TECPR2: variants seen among roughly 807,000 people sequenced by gnomAD.
TECPR2 encodes the protein tectonin beta-propeller repeat containing 2, also known as tectonin beta-propeller repeat-containing protein 2.
A neutral mutation model predicts 138.1 loss-of-function variants in TECPR2; 65 were observed. The observed-to-expected ratio is 0.47, with a 90% CI of 0.39 to 0.58. The LOEUF (loss-of-function observed/expected upper bound fraction) is 0.58. Ranked by LOEUF, TECPR2 falls within the 20% of genes least tolerant of loss-of-function variation. TECPR2 has a pLI of 0.00. For missense variants in TECPR2, 1,553 were observed against 1,824.5 expected (o/e 0.85, Z 2.71); for synonymous variants, 746 against 749.8 (o/e 0.99, Z 0.08).
chr14:102,438,181 C>T lies in TECPR2; in HGVS notation c.2554C>T (p.Gln852Ter), dbSNP rs1268839383. The change falls in exon 10 of 20, where the codon CAG (glutamine) becomes TAG (stop). Residue 852 changes from glutamine (Q) to a stop codon, truncating the protein, a stop_gained. Transcript: ENST00000359520. LOFTEE classifies it high-confidence loss of function. ...LRWQKFEDAV[Q>*]QVAVSPSGAL... ...CTGGCAGAAGTTTGAAGATGCTGTC[C>T]AGCAGGTGGCAGTCTCGCCCTCAGG... 1 of 1,609,196 alleles carries T rather than the reference C, an allele frequency of 6.2e-7. No homozygotes were observed. The highest frequency in any genetic ancestry group is 8.5e-7 in the Non-Finnish European group (1 of 1,179,402).
At chr14:102,439,142 G>A (rs1376694831) in intron 10 of TECPR2, among the ~76,000 whole-genome samples, 1 of 152,026 alleles carries the variant, frequency 6.6e-6, no homozygotes, top group Non-Finnish European at 1.5e-5. Context: ...GGGATTACAG[G>A]TGAGAGCCAC....
intron 17 of TECPR2, among the ~76,000 whole-genome samples, chr14:102,485,913 G>T (rs539821650): frequency 6.6e-6 from 1 of 152,180 alleles, no homozygotes; most frequent in African/African-American, 2.4e-5. Context: ...TTGAGTCCTG[G>T]TGCTAGCCAT....
chr14:102,447,537 G>T (rs1890017248), intron 13 of TECPR2, among the ~76,000 whole-genome samples: 1 of 152,098 alleles, frequency 6.6e-6, no homozygotes. Context: ...TGAAATATTT[G>T]ATGTTTCTTT....
chr14:102,472,293 T>A (rs1398971458), intron 17 of TECPR2, among the ~76,000 whole-genome samples: 1 of 152,182 alleles, frequency 6.6e-6, no homozygotes, highest in African/African-American at 2.4e-5. Context: ...GCAACCACAA[T>A]TTCCTGTTCC....
At position 102,443,978 on chromosome 14, in the gene TECPR2, T is replaced by C; in HGVS notation, c.2933+151T>C. 1.3e-6 allele frequency: 1 copy of C among 762,418 alleles called. No individual in the cohort carries two copies. Among genetic ancestry groups the C allele is most frequent in the Non-Finnish European group, 1.9e-6 (1 of 518,944 alleles). The allele number at this position is 762,418 out of a possible 1,614,324, so 47.2% of individuals were successfully genotyped here. On this transcript the variant is annotated intron_variant, in intron 12 of 19. Transcript: ENST00000359520. This position sits in a 1 kb window ranked among gnomAD's most constrained non-coding sequence, Gnocchi z 4.9. ...GGCTAAGCTTGAATCTCTGCCTAATTCTGACCGGCAAACTGGACGTTGAGT... is the reference window on the plus strand; with the variant it reads ...GGCTAAGCTTGAATCTCTGCCTAATCCTGACCGGCAAACTGGACGTTGAGT...
intron 2 of TECPR2, among the ~76,000 whole-genome samples, chr14:102,397,788 C>T (rs980381829): frequency 4.0e-5 from 6 of 151,384 alleles, no homozygotes; most frequent in African/African-American, 7.3e-5. Flanking sequence ...GGTAAAACAG[C>T]GTATGAAGGC....
At chr14:102,436,968 AGGGATCCT>A in intron 9 of TECPR2, 1 of 984,500 alleles carries the variant, frequency 1.0e-6, no homozygotes, top group South Asian at 4.7e-5. Context: ...CTTAGGTGAC[AGGGATCCT>A]GGCCCTTTGA....
chr14:102,498,022 C>CGCCCAACCTCCCAGCCCCATCTGT, intron 19 of TECPR2, 81 bp from the exon 20 acceptor site: 1 of 1,510,190 alleles, frequency 6.6e-7, no homozygotes, highest in Non-Finnish European at 8.9e-7. Context: ...CCCAGACCTG[C>CGCCCAACCTCCCAGCCCCATCTGT]GCCCAAGCTC....
At chr14:102,447,489 A>T (rs576551773) in intron 13 of TECPR2, among the ~76,000 whole-genome samples, 14 of 152,114 alleles carry the variant, frequency 9.2e-5, no homozygotes, top group Admixed American at 7.9e-4. Context: ...ACAGTCTCCC[A>T]CTGTGGTAGG....
At chr14:102,373,000 C>T (rs1056356078) in intron 1 of TECPR2, among the ~76,000 whole-genome samples, 4 of 152,078 alleles carry the variant, frequency 2.6e-5, no homozygotes, top group Non-Finnish European at 4.4e-5. Flanking sequence ...TAAATTATGG[C>T]ACATCAATGT....
At chr14:102,374,134 A>G (rs914756084) in intron 1 of TECPR2, among the ~76,000 whole-genome samples, 1 of 151,808 alleles carries the variant, frequency 6.6e-6, no homozygotes, top group African/African-American at 2.4e-5. Context: ...TGGATATGCT[A>G]TACAGATTTA....
intron 15 of TECPR2, among the ~76,000 whole-genome samples, chr14:102,451,848 G>C (rs1009385040): frequency 3.3e-5 from 5 of 152,084 alleles, no homozygotes; most frequent in African/African-American, 1.2e-4. Flanking sequence ...ACATGATTTT[G>C]AGGCAAGGGT....
At position 102,496,963 on chromosome 14, in the gene TECPR2, C is replaced by T; in HGVS notation, c.3790-16C>T. 1.2e-6 allele frequency: 2 copies of T among 1,612,450 alleles called. No homozygotes were observed. Among genetic ancestry groups the T allele is most frequent in the Non-Finnish European group, 1.7e-6 (2 of 1,179,150 alleles). On this transcript the variant is annotated splice_polypyrimidine_tract_variant and intron_variant, in intron 17 of 19. Coordinates refer to ENST00000359520, the MANE Select transcript of TECPR2 (RefSeq NM_014844.5). ...CCCAACTCCTGCCTTCCCTGAAAGT[C>T]CCTTCCCGCTTCCAGCCCGCCGGGG...
intron 2 of TECPR2, among the ~76,000 whole-genome samples, chr14:102,379,680 CTT>C (rs1887741991): frequency 7.1e-6 from 1 of 140,826 alleles, no homozygotes; most frequent in Non-Finnish European, 1.6e-5. Context: ...ACAGAGGCAT[CTT>C]AGTCACACTG....
chr14:102,383,882 T>G (rs1887909792), intron 2 of TECPR2, among the ~76,000 whole-genome samples: 1 of 152,142 alleles, frequency 6.6e-6, no homozygotes, highest in African/African-American at 2.4e-5. Flanking sequence ...TATCTTTGTT[T>G]CGTTTTCCTT....
intron 2 of TECPR2, among the ~76,000 whole-genome samples, chr14:102,386,001 TG>T (rs1246088846): frequency 2.6e-5 from 4 of 152,240 alleles, no homozygotes; most frequent in African/African-American, 7.2e-5. Flanking sequence ...ATATGCCTGC[TG>T]TGTACCTACA....
chr14:102,387,728 G>C (rs573957267), intron 2 of TECPR2, among the ~76,000 whole-genome samples: 3 of 151,974 alleles, frequency 2.0e-5, no homozygotes, highest in Non-Finnish European at 2.9e-5. Flanking sequence ...GGGTTTCACT[G>C]TGTTAGCCAG....
Position 102,419,943 on chromosome 14 carries a change from C to T in TECPR2, c.639-5036C>T, listed in dbSNP as rs1307435300. On this transcript the variant is annotated intron_variant, in intron 5 of 19. Transcript: ENST00000359520. This position sits in a 1 kb window ranked among gnomAD's most constrained non-coding sequence, Gnocchi z 4.8. ...TGTGGGTAAGAGCCAGCAGCCGGTT[C>T]TGGAACCCCGCGACTAGCACATCTG... Among the ~76,000 whole-genome samples the T allele has an allele frequency of 6.6e-6, 1 of 152,166 alleles. No homozygotes were observed. The highest frequency in any genetic ancestry group is 1.5e-5 in the Non-Finnish European group (1 of 68,018).
In TECPR2 at chr14:102,363,073, C is replaced by T. The variant is rs1262929561; in HGVS notation, c.-116C>T. On this transcript the variant is annotated 5_prime_UTR_variant, in exon 1 of 20. Transcript: ENST00000359520. ...CGGCCCGGAGTCCATCCCGCCTCCT[C>T]CGGCCCGGCGGGGCCGACGAGTCCG... is the stretch of plus-strand genomic sequence containing the variant. 2 of 509,566 alleles carry T rather than the reference C, an allele frequency of 3.9e-6. No individual in the cohort carries two copies. The highest frequency in any genetic ancestry group is 3.2e-5 in the South Asian group (1 of 31,128). The allele number at this position is 509,566 out of a possible 1,614,324, so 31.6% of individuals were successfully genotyped here. A position where few individuals can be genotyped will look rare whatever the true frequency, so the allele number is the denominator to read the frequency against.
Sources: gnomAD v4.1 joint callset for allele counts (sites outside exome capture counted in the v4.1 genomes callset) on GRCh38, gnomAD v4.1.1 for gene constraint, Gnocchi (gnomAD v3.1) non-coding constraint, MANE v1.5 for transcripts, NCBI Gene and HGNC (gene_info 2026-07-23, HGNC 2026-07-21) for gene names.